Variants in PDE4D observed in about 807,000 individuals in gnomAD.
PDE4D encodes 3',5'-cyclic-AMP phosphodiesterase 4D.
Under a neutral mutation model 87.4 loss-of-function variants are expected in PDE4D, and 24 were observed. The ratio of observed to expected loss-of-function variants is 0.27; its 90% CI spans 0.20 to 0.39. The LOEUF (loss-of-function observed/expected upper bound fraction) is 0.39, where lower values mean the gene tolerates loss of function less well. PDE4D is among the 10% of genes least tolerant of loss of function. PDE4D has a pLI of 1.00. For synonymous variants in PDE4D, 384 were observed against 383.2 expected (o/e 1.00, Z -0.02); for missense variants, 714 against 1,041.0 (o/e 0.69, Z 4.32).
At chr5:60,337,096 G>A (rs182128339) in intron 1 of PDE4D, among the ~76,000 whole-genome samples, 135 of 149,768 alleles carry the variant, frequency 9.0e-4, no homozygotes, top group African/African-American at 3.1e-3. Flanking sequence ...AAGGCCGGTG[G>A]ATCACCTGAG....
chr5:59,642,322 A>G (rs1028619741), intron 1 of PDE4D, among the ~76,000 whole-genome samples: 5 of 152,268 alleles, frequency 3.3e-5, no homozygotes, highest in African/African-American at 9.6e-5. Context: ...TTTAATAACA[A>G]TATGTATATA....
chr5:59,963,529 A>G (rs1294963381), intron 3 of PDE4D, among the ~76,000 whole-genome samples: 2 of 152,156 alleles, frequency 1.3e-5, no homozygotes, highest in Non-Finnish European at 2.9e-5. Context: ...TCAGGAAAAC[A>G]GCAGAACATA....
At chr5:60,331,030 A>T (rs1199290486) in intron 1 of PDE4D, among the ~76,000 whole-genome samples, 3 of 152,222 alleles carry the variant, frequency 2.0e-5, no homozygotes, top group Non-Finnish European at 4.4e-5. Context: ...AGTAAAGGTG[A>T]ATAAATGGTC....
At chr5:59,659,972 C>T (rs1744978309) in intron 1 of PDE4D, among the ~76,000 whole-genome samples, 1 of 152,072 alleles carries the variant, frequency 6.6e-6, no homozygotes, top group African/African-American at 2.4e-5. Context: ...ATTGCTTGAA[C>T]TCAGGAGTTT....
intron 5 of PDE4D, among the ~76,000 whole-genome samples, chr5:59,095,435 C>T (rs1191363986): frequency 1.3e-5 from 2 of 151,666 alleles, no homozygotes; most frequent in East Asian, 3.9e-4. Flanking sequence ...TAATTGATTC[C>T]CTCTGTTACA....
intron 1 of PDE4D, among the ~76,000 whole-genome samples, chr5:59,832,390 A>C (rs569077487): frequency 6.6e-6 from 1 of 152,202 alleles, no homozygotes; most frequent in African/African-American, 2.4e-5. Flanking sequence ...AAATTGGAAA[A>C]TGAGTCGTGA....
chr5:59,171,572 C>T (rs1451157308), intron 5 of PDE4D, among the ~76,000 whole-genome samples: 1 of 151,960 alleles, frequency 6.6e-6, no homozygotes, highest in Non-Finnish European at 1.5e-5. Flanking sequence ...TGCTCCTATA[C>T]ACCTTTAACT....
chr5:59,310,640 C>A (rs1772399969), intron 1 of PDE4D, among the ~76,000 whole-genome samples: 1 of 152,202 alleles, frequency 6.6e-6, no homozygotes, highest in Admixed American at 6.5e-5. Context: ...GACTGATAGG[C>A]AATGTCCTCT....
At chr5:59,628,188 T>A (rs1177902929) in intron 1 of PDE4D, among the ~76,000 whole-genome samples, 1 of 152,116 alleles carries the variant, frequency 6.6e-6, no homozygotes, top group Non-Finnish European at 1.5e-5. Context: ...AAGAAGAAAA[T>A]GCTTGCAATA....
At chr5:59,934,901 AC>A (rs1156345778) in intron 3 of PDE4D, among the ~76,000 whole-genome samples, 3 of 152,208 alleles carry the variant, frequency 2.0e-5, no homozygotes, top group Non-Finnish European at 2.9e-5. Context: ...AGATATAGGT[AC>A]AAAAAAATAT....
chr5:60,125,471 G>A (rs1470148841), intron 2 of PDE4D, among the ~76,000 whole-genome samples: 1 of 151,968 alleles, frequency 6.6e-6, no homozygotes. Flanking sequence ...TGCTACTGAC[G>A]GTCTTCTCAG....
At chr5:60,340,647 G>A (rs780067059) in intron 1 of PDE4D, among the ~76,000 whole-genome samples, 15 of 149,796 alleles carry the variant, frequency 1.0e-4, no homozygotes, top group Non-Finnish European at 1.6e-4. Flanking sequence ...TCTCATTTGC[G>A]GCCAAGTTCA....
intron 1 of PDE4D, among the ~76,000 whole-genome samples, chr5:60,507,496 T>G (rs2150251906): frequency 6.6e-6 from 1 of 152,350 alleles, no homozygotes; most frequent in Non-Finnish European, 1.5e-5. Flanking sequence ...CTTATTGCTT[T>G]CTTAGAATAT....
chr5:60,502,519 G>A (rs535603174), intron 1 of PDE4D, among the ~76,000 whole-genome samples: 1 of 152,240 alleles, frequency 6.6e-6, no homozygotes, highest in South Asian at 2.1e-4. Flanking sequence ...CTTTAAAGTA[G>A]TTTTTTCCAA....
At chr5:60,429,859 T>TTTAA in intron 1 of PDE4D, 1 of 338,560 alleles carries the variant, frequency 3.0e-6, no homozygotes, top group Non-Finnish European at 5.8e-6. Context: ...TTTTTTTTTT[T>TTTAA]AAACAATTTT....
At chr5:59,343,676 C>T (rs560358972) in intron 1 of PDE4D, among the ~76,000 whole-genome samples, 1 of 152,276 alleles carries the variant, frequency 6.6e-6, no homozygotes, top group South Asian at 2.1e-4. Flanking sequence ...TTCATGAATG[C>T]ATGCTTGATG....
At chr5:59,917,463 A>T (rs1754193371) in intron 3 of PDE4D, among the ~76,000 whole-genome samples, 1 of 152,208 alleles carries the variant, frequency 6.6e-6, no homozygotes, top group Non-Finnish European at 1.5e-5. Context: ...ATTACTTAAG[A>T]GCTACAAGAG....
chr5:59,743,809 A>G (rs1257125984), intron 1 of PDE4D, among the ~76,000 whole-genome samples: 5 of 152,132 alleles, frequency 3.3e-5, no homozygotes, highest in African/African-American at 1.2e-4. Flanking sequence ...ATTGAGCACT[A>G]CAATCATCAC....
intron 1 of PDE4D, among the ~76,000 whole-genome samples, chr5:59,817,003 G>T (rs1769048077): frequency 6.6e-6 from 1 of 152,146 alleles, no homozygotes; most frequent in African/African-American, 2.4e-5. Flanking sequence ...CCTCTCACAG[G>T]GGTAAGTGAG....
Sources: gnomAD v4.1 joint callset for allele counts (sites outside exome capture counted in the v4.1 genomes callset) on GRCh38, gnomAD v4.1.1 for gene constraint, MANE v1.5 for transcripts, NCBI Gene and HGNC (gene_info 2026-07-23, HGNC 2026-07-21) for gene names.